Variants in CLEC5A observed in about 807,000 individuals in gnomAD.
The protein encoded by CLEC5A is C-type lectin domain family 5 member A.
CLEC5A carries 15 observed loss-of-function variants against 24.4 expected under a neutral mutation model. The observed-to-expected ratio is 0.62, with a 90% confidence interval of 0.41 to 0.95. CLEC5A has a LOEUF of 0.95. CLEC5A is among the 40% of genes least tolerant of loss of function. The pLI is 0.00. For missense variants in CLEC5A, 211 were observed against 224.0 expected (o/e 0.94, Z 0.37); for synonymous variants, 71 against 72.6 (o/e 0.98, Z 0.11).
At chr7:141,946,085 G>T (rs1233665413) in intron 2 of CLEC5A, 129 bp downstream of exon 2, 4 of 955,108 alleles carry the variant, frequency 4.2e-6, no homozygotes, top group Non-Finnish European at 6.3e-6. Flanking sequence ...TTGACCTCAG[G>T]TTGGGTCAGT....
chr7:141,930,934 T>C (rs1378341709), intron 6 of CLEC5A, among the ~76,000 whole-genome samples: 1 of 152,210 alleles, frequency 6.6e-6, no homozygotes, highest in African/African-American at 2.4e-5. Context: ...TGAATAAATG[T>C]CAATTTCCTC....
At position 141,943,876 on chromosome 7, in the gene CLEC5A, G is replaced by T. The variant is rs782788456; in HGVS notation, c.208+20C>A. ...TGAGAACCTAGGGGATGGGGAGTAGGTTGTAATCATGCACTTTACCTGTTC... is the reference window on the plus strand; with the variant it reads ...TGAGAACCTAGGGGATGGGGAGTAGTTTGTAATCATGCACTTTACCTGTTC... On this transcript the variant is annotated intron_variant, in intron 4 of 6. Coordinates refer to ENST00000546910, the MANE Select transcript of CLEC5A (RefSeq NM_013252.3). 3 of 1,523,700 alleles carry T rather than the reference G, an allele frequency of 2.0e-6. No homozygotes were observed. In the Admixed American group the frequency reaches 5.0e-5, roughly 25 times the overall value. The allele number at this position is 1,523,700 out of a possible 1,614,324, so 94.4% of individuals were successfully genotyped here.
intron 6 of CLEC5A, among the ~76,000 whole-genome samples, chr7:141,930,659 T>C (rs1418886206): frequency 6.6e-6 from 1 of 152,140 alleles, no homozygotes; most frequent in Non-Finnish European, 1.5e-5. Context: ...CAGAAAAACT[T>C]GGTGGAGGTA....
chr7:141,940,850 G>A (rs1298583), intron 4 of CLEC5A, among the ~76,000 whole-genome samples: 136,285 of 152,078 alleles, frequency 0.9, 61,802 homozygotes, highest in Non-Finnish European at 0.97. Context: ...AAATTCCTAG[G>A]CACATACAAC....
At chr7:141,935,116 T>C (rs1554440906) in intron 5 of CLEC5A, among the ~76,000 whole-genome samples, 1 of 152,198 alleles carries the variant, frequency 6.6e-6, no homozygotes, top group East Asian at 1.9e-4. Flanking sequence ...TTACAAATTC[T>C]TCTAAATCAC....
chr7:141,934,612 C>CTTTTTTTTTTTTTTTTTTTT (rs1563074252), intron 5 of CLEC5A, among the ~76,000 whole-genome samples: 1 of 83,172 alleles, frequency 1.2e-5, no homozygotes, highest in African/African-American at 4.8e-5. Context: ...TTTTCTTTAA[C>CTTTTTTTTTTTTTTTTTTTT]GTTTTTTTTT....
chr7:141,938,796 A>C (rs1278934918), intron 4 of CLEC5A, among the ~76,000 whole-genome samples: 1 of 152,162 alleles, frequency 6.6e-6, no homozygotes, highest in African/African-American at 2.4e-5. Context: ...TAGCAGACCC[A>C]CAGCGTTACT....
chr7:141,943,742 A>C (rs1166124285), intron 4 of CLEC5A, among the ~76,000 whole-genome samples, 154 bp downstream of exon 4: 1 of 152,184 alleles, frequency 6.6e-6, no homozygotes, highest in Non-Finnish European at 1.5e-5. Flanking sequence ...AATAAAAGCC[A>C]AAATAATATG....
intron 4 of CLEC5A, 52 bp downstream of exon 4, chr7:141,943,844 C>G: frequency 8.3e-7 from 1 of 1,207,146 alleles, no homozygotes; most frequent in East Asian, 2.3e-5. Flanking sequence ...TCTAAGAATT[C>G]AGTGCATGAG....
Position 141,935,227 on chromosome 7 carries a change from T to A in CLEC5A, c.345+587A>T, listed in dbSNP as rs111323894. ...GAGTATGGGTTTTGGAGTCAGAGAG[T>A]TCTGAATTCAATTCCACGTTCTGTT... On this transcript the variant is annotated intron_variant, in intron 5 of 6. Coordinates refer to ENST00000546910, the MANE Select transcript of CLEC5A (RefSeq NM_013252.3). Among the ~76,000 whole-genome samples, 661 of 152,234 alleles carry A rather than the reference T, an allele frequency of 4.3e-3. 5 individuals carry two copies. The highest frequency in any genetic ancestry group is 0.015 in the African/African-American group (636 of 41,536).
intron 2 of CLEC5A, 47 bp downstream of exon 2, chr7:141,946,167 A>G: frequency 6.5e-7 from 1 of 1,536,974 alleles, no homozygotes; most frequent in Non-Finnish European, 8.8e-7. Context: ...AGAGTCAATG[A>G]GCAAGACAAC....
intron 4 of CLEC5A, among the ~76,000 whole-genome samples, chr7:141,941,198 A>C (rs1406050553): frequency 6.6e-6 from 1 of 152,160 alleles, no homozygotes; most frequent in Non-Finnish European, 1.5e-5. Flanking sequence ...AGCAAGCTGA[A>C]TTCAACAACA....
At chr7:141,937,709 G>A (rs1356006879) in intron 4 of CLEC5A, among the ~76,000 whole-genome samples, 1 of 152,158 alleles carries the variant, frequency 6.6e-6, no homozygotes, top group Admixed American at 6.5e-5. Context: ...TGGTTACAGT[G>A]GGCCTTGAGT....
chr7:141,931,819 A>G lies in CLEC5A; in HGVS notation c.353T>C (p.Leu118Pro). 6.4e-7 allele frequency: 1 copy of G among 1,553,612 alleles called. No homozygotes were observed. The highest frequency in any genetic ancestry group is 8.8e-7 in the Non-Finnish European group (1 of 1,140,816). The change falls in exon 6 of 7, where the codon CTT (leucine) becomes CCT (proline). Residue 118 changes from leucine (L) to proline (P), a missense_variant. Transcript: ENST00000546910. Reference sequence around the variant, plus strand: ...CTTCTCAGCATCAGTTATGTCCTGAAGAAACTTCTGGAAATAAAAAAAAAA... The same window carrying G: ...CTTCTCAGCATCAGTTATGTCCTGAGGAAACTTCTGGAAATAAAAAAAAAA... Reference protein sequence around the residue: ...IVNTPEKLKFLQDITDAEKYF... With the variant: ...IVNTPEKLKFPQDITDAEKYF...
chr7:141,944,082 C>T (rs1362419395), intron 3 of CLEC5A, 118 bp from the exon 4 acceptor site: 1 of 704,228 alleles, frequency 1.4e-6, no homozygotes, highest in African/African-American at 1.8e-5. Flanking sequence ...CTCTTGGCCA[C>T]TCTGAGCTAG....
intron 6 of CLEC5A, 28 bp downstream of exon 6, chr7:141,931,692 C>T (rs782211501): frequency 4.0e-6 from 5 of 1,245,952 alleles, no homozygotes; most frequent in Non-Finnish European, 5.9e-6. Context: ...AACCAAGATC[C>T]CCAGGAAACT....
chr7:141,930,011 A>G lies in CLEC5A; in HGVS notation c.*93T>C. 2.1e-6 allele frequency: 2 copies of G among 954,384 alleles called. No individual in the cohort carries two copies. Among genetic ancestry groups the G allele is most frequent in the Non-Finnish European group, 3.2e-6 (2 of 622,996 alleles). The allele number at this position is 954,384 out of a possible 1,614,324, so 59.1% of individuals were successfully genotyped here. On this transcript the variant is annotated 3_prime_UTR_variant, in exon 7 of 7. Coordinates refer to ENST00000546910, the MANE Select transcript of CLEC5A (RefSeq NM_013252.3). ...CAAATGGGCAAGGACCGCTACTGGT[A>G]GACAGATAGGTAAGTAAAAGAATCA...
At position 141,927,688 on chromosome 7, in the gene CLEC5A, C is replaced by T. The variant is rs1802338700; in HGVS notation, c.*2416G>A. 6.6e-6 allele frequency: 1 copy of T among 152,136 alleles called. No homozygotes were observed. The highest frequency in any genetic ancestry group is 1.5e-5 in the Non-Finnish European group (1 of 68,044). The allele number at this position is 152,136 out of a possible 1,614,324, so 9.4% of individuals were successfully genotyped here. ...TGTCTTTGATCTCATGTGGCTTGGC[C>T]ACAACATTTTTAAGGCACCCTTCTC... On this transcript the variant is annotated 3_prime_UTR_variant, in exon 7 of 7. Transcript: ENST00000546910.
chr7:141,939,280 A>C (rs572137050), intron 4 of CLEC5A, among the ~76,000 whole-genome samples: 13 of 152,172 alleles, frequency 8.5e-5, no homozygotes, highest in East Asian at 1.9e-4. Context: ...GTGGGAGACA[A>C]AGTTAAAATG....
Sources: allele counts gnomAD v4.1 joint callset (sites outside exome capture counted in the v4.1 genomes callset), GRCh38; gene constraint gnomAD v4.1.1; transcripts MANE v1.5; gene names NCBI Gene and HGNC (gene_info 2026-07-23, HGNC 2026-07-21).